The following SKOR2 variants were observed in gnomAD, a reference collection of about 807,000 sequenced individuals.
SKOR2 encodes SKI family transcriptional corepressor 2.
Under a neutral mutation model 69.1 loss-of-function variants are expected in SKOR2, and 47 were observed. That is an observed-to-expected ratio of 0.68 (90% CI 0.54 to 0.87). The LOEUF (loss-of-function observed/expected upper bound fraction) is 0.87, where lower values mean the gene tolerates loss of function less well. SKOR2 is among the 40% of genes least tolerant of loss of function. The pLI is 0.00. For missense variants in SKOR2, 1,404 were observed against 1,472.2 expected (o/e 0.95, Z 0.76); for synonymous variants, 717 against 672.6 (o/e 1.07, Z -1.02).
intron 8 of SKOR2, among the ~76,000 whole-genome samples, chr18:47,211,517 A>G (rs931019946): frequency 6.6e-6 from 1 of 152,186 alleles, no homozygotes; most frequent in Non-Finnish European, 1.5e-5. Context: ...AGAGTCCAAA[A>G]TAATTGTCTT....
At position 47,245,495 on chromosome 18, in the gene SKOR2, T is replaced by C; in HGVS notation, c.2677+3A>G. On this transcript the variant is annotated splice_donor_region_variant and intron_variant, in intron 3 of 8. Transcript: ENST00000425639. ...GGCAGCTGATTTTTTTTTTTTTTTT[T>C]ACCTGAAAAGCTGTTGTCATCCTTT... The C allele has an allele frequency of 1.4e-6, 2 of 1,470,346 alleles. No individual in the cohort carries two copies. The highest frequency in any genetic ancestry group is 1.8e-6 in the Non-Finnish European group (2 of 1,116,556). 91.1% of individuals were successfully genotyped at this position (1,470,346 alleles called of 1,614,324 possible).
Position 47,234,753 on chromosome 18 carries a change from T to C in SKOR2, c.2753-3753A>G, listed in dbSNP as rs1336588558. Reference sequence around the variant, plus strand: ...GCAGGCACCTGTAATCCCAGCTACTTGGGAGGCTGAGGTAGGAGAATCGCT... The same window carrying C: ...GCAGGCACCTGTAATCCCAGCTACTCGGGAGGCTGAGGTAGGAGAATCGCT... On this transcript the variant is annotated intron_variant, in intron 4 of 8. Coordinates refer to ENST00000425639, the MANE Select transcript of SKOR2 (RefSeq NM_001278063.4). Among the ~76,000 whole-genome samples the C allele has an allele frequency of 3.3e-5, 5 of 150,730 alleles. No homozygotes were observed. In the East Asian group the frequency reaches 9.8e-4, roughly 29 times the overall value.
At chr18:47,228,320 T>C (rs2064185877) in intron 6 of SKOR2, among the ~76,000 whole-genome samples, 1 of 152,220 alleles carries the variant, frequency 6.6e-6, no homozygotes, top group Non-Finnish European at 1.5e-5. Context: ...TTAATTGAAG[T>C]GTTTCATACA....
intron 4 of SKOR2, among the ~76,000 whole-genome samples, chr18:47,244,548 T>A (rs529507904): frequency 7.2e-5 from 11 of 152,342 alleles, no homozygotes; most frequent in African/African-American, 2.6e-4. Context: ...AATGTTGGCA[T>A]AGATGTCATA....
intron 8 of SKOR2, among the ~76,000 whole-genome samples, chr18:47,207,422 C>A (rs1478700263): frequency 6.6e-6 from 1 of 152,146 alleles, no homozygotes; most frequent in Admixed American, 6.6e-5. Flanking sequence ...GAGCCAGCCC[C>A]AGCCTGGCTC....
Position 47,206,587 on chromosome 18 carries a change from T to G in SKOR2, c.*309A>C, listed in dbSNP as rs952769742. The G allele has an allele frequency of 6.6e-6, 1 of 152,322 alleles. No individual in the cohort carries two copies. Among genetic ancestry groups the G allele is most frequent in the Non-Finnish European group, 1.5e-5 (1 of 68,134 alleles). The allele number at this position is 152,322 out of a possible 1,614,324, so 9.4% of individuals were successfully genotyped here. Reference sequence around the variant, plus strand: ...TCCCATCCCAACTGGCTAACAGCACTTCCCATGCTCTGGGTTCAGCTATCC... The same window carrying G: ...TCCCATCCCAACTGGCTAACAGCACGTCCCATGCTCTGGGTTCAGCTATCC... On this transcript the variant is annotated 3_prime_UTR_variant, in exon 9 of 9. Coordinates refer to ENST00000425639, the MANE Select transcript of SKOR2 (RefSeq NM_001278063.4).
rs2064293404 is a variant in SKOR2 at position 47,248,354 on chromosome 18, A to C, written c.830T>G (p.Leu277Arg). 3 of 1,269,482 alleles carry C rather than the reference A, an allele frequency of 2.4e-6. No homozygotes were observed. Among genetic ancestry groups the C allele is most frequent in the Non-Finnish European group, 3.0e-6 (3 of 1,016,584 alleles). 78.6% of individuals were successfully genotyped at this position (1,269,482 alleles called of 1,614,324 possible). Residue 277 changes from leucine to arginine, a missense_variant, in exon 2 of 9, where the codon CTG (leucine) becomes CGG (arginine). This residue lies in a region of SKOR2 where 1,266 missense variants were observed against 1,309.9 expected (regional missense o/e 0.97). Transcript: ENST00000425639. This position sits in a 1 kb window ranked among gnomAD's most constrained non-coding sequence, Gnocchi z 6.4. ...GGGCGCACCCAGCAGGTGGGGGCCC[A>C]GCAGACCCCCGCCTCCGGCCACCGC... ...AAAVAGGGGLLGPHLLGAPPP... is the reference protein window; with the variant it reads ...AAAVAGGGGLRGPHLLGAPPP...
chr18:47,239,011 T>C (rs1004361556), intron 4 of SKOR2, among the ~76,000 whole-genome samples: 2 of 152,242 alleles, frequency 1.3e-5, no homozygotes, highest in Non-Finnish European at 2.9e-5. Context: ...ATCTTAGTCT[T>C]ATAATCTGCT....
In SKOR2 at chr18:47,245,484, T is replaced by TTTTTTTTTA; in HGVS notation, c.2677+13_2677+14insTAAAAAAAA. 1 of 1,451,018 alleles carries TTTTTTTTTA rather than the reference T, an allele frequency of 6.9e-7. No homozygotes were observed. The highest frequency in any genetic ancestry group is 2.5e-5 in the East Asian group (1 of 39,930). 89.9% of individuals were successfully genotyped at this position (1,451,018 alleles called of 1,614,324 possible). A position where few individuals can be genotyped will look rare whatever the true frequency, so the allele number is the denominator to read the frequency against. On this transcript the variant is annotated intron_variant, in intron 3 of 8. Transcript: ENST00000425639. ...GCAAGAAAAGTGGCAGCTGATTTTT[T>TTTTTTTTTA]TTTTTTTTTTTACCTGAAAAGCTGT...
At position 47,247,858 on chromosome 18, in the gene SKOR2, C is replaced by G. The variant is rs2144517752; in HGVS notation, c.1326G>C (p.Ala442=). Residue 442 remains alanine, a synonymous_variant, in exon 2 of 9, where the codon GCG becomes GCC. Transcript: ENST00000425639. The surrounding 1 kb of genome is among the most constrained non-coding windows in gnomAD (Gnocchi z 6.6). ...ACAAGCCGGCCTTGGGCGCCGCGCC[C>G]GCGCCGCCTGCGCCCGCGCCCCCCA... ...EALGGAGAGG[A]GAAPKAGLSG... is the part of the protein sequence containing the mutation. 3 of 1,360,522 alleles carry G rather than the reference C, an allele frequency of 2.2e-6. No individual in the cohort carries two copies. The East Asian group carries it at 9.4e-5, about 42-fold the overall frequency. 84.3% of individuals were successfully genotyped at this position (1,360,522 alleles called of 1,614,324 possible). A position where few individuals can be genotyped will look rare whatever the true frequency, so the allele number is the denominator to read the frequency against.
chr18:47,225,728 G>C (rs1463886222), intron 6 of SKOR2, among the ~76,000 whole-genome samples: 1 of 152,148 alleles, frequency 6.6e-6, no homozygotes, highest in Non-Finnish European at 1.5e-5. Context: ...CTCCAGATAA[G>C]AAGGAGGACT....
chr18:47,247,413 C>T lies in SKOR2; in HGVS notation c.1771G>A (p.Gly591Arg), dbSNP rs2064284090. The change falls in exon 2 of 9, where the codon GGG (glycine) becomes AGG (arginine). Residue 591 changes from glycine (G) to arginine (R), a missense_variant. By Grantham distance (125) the Gly-to-Arg change is moderately radical. Coordinates refer to ENST00000425639, the MANE Select transcript of SKOR2 (RefSeq NM_001278063.4). The surrounding 1 kb of genome is among the most constrained non-coding windows in gnomAD (Gnocchi z 6.6). The part of the protein sequence containing the change: ...AAAGAGAAAA[G>R]SGPAGSRVPA... Reference sequence around the variant, plus strand: ...ACCCGGGAGCCCGCGGGGCCAGACCCGGCGGCCGCGGCCCCTGCCCCGGCA... The same window carrying T: ...ACCCGGGAGCCCGCGGGGCCAGACCTGGCGGCCGCGGCCCCTGCCCCGGCA... 8 of 1,305,646 alleles carry T rather than the reference C, an allele frequency of 6.1e-6. No homozygotes were observed. Among genetic ancestry groups the T allele is most frequent in the Middle Eastern group, 2.9e-4 (1 of 3,408 alleles). The allele number at this position is 1,305,646 out of a possible 1,614,324, so 80.9% of individuals were successfully genotyped here.
chr18:47,233,340 A>C (rs1568087232), intron 4 of SKOR2, among the ~76,000 whole-genome samples: 2 of 152,214 alleles, frequency 1.3e-5, no homozygotes, highest in Non-Finnish European at 2.9e-5. Context: ...AGCATTTTAA[A>C]TATAGACCTC....
At chr18:47,224,440 C>G (rs1429328623) in intron 6 of SKOR2, among the ~76,000 whole-genome samples, 1 of 152,124 alleles carries the variant, frequency 6.6e-6, no homozygotes, top group Non-Finnish European at 1.5e-5. Flanking sequence ...GTTTTCCAAA[C>G]AGCAATAAAA....
chr18:47,212,156 A>G lies in SKOR2; in HGVS notation c.2986-5T>C, dbSNP rs1334985973. 1 of 1,231,846 alleles carries G rather than the reference A, an allele frequency of 8.1e-7. No individual in the cohort carries two copies. Among genetic ancestry groups the G allele is most frequent in the African/African-American group, 1.6e-5 (1 of 64,410 alleles). The allele number at this position is 1,231,846 out of a possible 1,614,324, so 76.3% of individuals were successfully genotyped here. ...CAAACTTGCTGCATAGGGGATCTGT[A>G]AGACAAAAACAAGCAACACCATCCA... On this transcript the variant is annotated splice_region_variant and splice_polypyrimidine_tract_variant and intron_variant, in intron 7 of 8. Coordinates refer to ENST00000425639, the MANE Select transcript of SKOR2 (RefSeq NM_001278063.4).
At chr18:47,217,398 T>G (rs766966578) in intron 7 of SKOR2, among the ~76,000 whole-genome samples, 1 of 152,178 alleles carries the variant, frequency 6.6e-6, no homozygotes, top group Non-Finnish European at 1.5e-5. Context: ...TGGGTCTCAA[T>G]CCCAAGTTAC....
At chr18:47,216,616 A>C (rs1364742798) in intron 7 of SKOR2, among the ~76,000 whole-genome samples, 6 of 152,202 alleles carry the variant, frequency 3.9e-5, no homozygotes, top group Non-Finnish European at 8.8e-5. Flanking sequence ...AAAGAAATTC[A>C]TAAGTTTTCT....
At chr18:47,218,007 A>G (rs1196426766) in intron 7 of SKOR2, among the ~76,000 whole-genome samples, 9 of 152,164 alleles carry the variant, frequency 5.9e-5, no homozygotes, top group Non-Finnish European at 1.3e-4. Context: ...ATTTGGTAAT[A>G]CCAGTTTTAA....
chr18:47,211,272 G>A (rs1045491978), intron 8 of SKOR2, among the ~76,000 whole-genome samples: 1 of 152,126 alleles, frequency 6.6e-6, no homozygotes, highest in Non-Finnish European at 1.5e-5. Flanking sequence ...GTCCTAGCTG[G>A]CCATGAGCAC....
Sources: gnomAD v4.1 joint callset for allele counts (sites outside exome capture counted in the v4.1 genomes callset) on GRCh38, gnomAD v4.1.1 for gene constraint, gnomAD v4.1.1 regional missense constraint, Gnocchi (gnomAD v3.1) non-coding constraint, MANE v1.5 for transcripts, NCBI Gene and HGNC (gene_info 2026-07-23, HGNC 2026-07-21) for gene names.